The following NRXN3 variants were observed in gnomAD, a reference collection of about 807,000 sequenced individuals.
The protein encoded by NRXN3 is neurexin 3, also known as neurexin III.
In NRXN3, 32 loss-of-function variants were observed where a neutral mutation model predicts 137.6. The observed-to-expected ratio is 0.23, with a 90% confidence interval of 0.18 to 0.31. The LOEUF (loss-of-function observed/expected upper bound fraction) is 0.31, where lower values mean the gene tolerates loss of function less well. Ranked by LOEUF, NRXN3 falls within the 10% of genes least tolerant of loss-of-function variation. NRXN3 has a pLI of 1.00. For missense variants in NRXN3, 1,574 were observed against 2,062.5 expected (o/e 0.76, Z 4.59); for synonymous variants, 798 against 784.5 (o/e 1.02, Z -0.29).
chr14:78,887,691 G>A (rs1313064462), intron 10 of NRXN3, among the ~76,000 whole-genome samples: 1 of 152,026 alleles, frequency 6.6e-6, no homozygotes, highest in African/African-American at 2.4e-5. Context: ...TAAACCCAAG[G>A]TTTGCTGCCA....
chr14:79,651,274 G>A (rs1420681876), intron 16 of NRXN3, among the ~76,000 whole-genome samples: 1 of 152,158 alleles, frequency 6.6e-6, no homozygotes, highest in Non-Finnish European at 1.5e-5. Context: ...CAAGTGAACA[G>A]CTATGGTCAC....
intron 20 of NRXN3, among the ~76,000 whole-genome samples, chr14:79,855,791 T>C (rs1324239781): frequency 6.6e-6 from 1 of 152,176 alleles, no homozygotes. Context: ...GTGTTAACCA[T>C]CTAACATATA....
intron 15 of NRXN3, among the ~76,000 whole-genome samples, chr14:79,143,512 T>C (rs2059009766): frequency 6.6e-6 from 1 of 152,240 alleles, no homozygotes; most frequent in Non-Finnish European, 1.5e-5. Context: ...GGTTCTGACA[T>C]GGTACCTTCT....
chr14:79,633,288 C>T (rs562306788), intron 16 of NRXN3: 3 of 152,190 alleles, frequency 2.0e-5, no homozygotes, highest in South Asian at 2.1e-4. Flanking sequence ...AAAACCTTAC[C>T]CATTTATCTT....
At chr14:78,667,783 A>C (rs983906627) in intron 6 of NRXN3, among the ~76,000 whole-genome samples, 1 of 152,004 alleles carries the variant, frequency 6.6e-6, no homozygotes, top group African/African-American at 2.4e-5. Flanking sequence ...ATTGTGATAG[A>C]TTATCTTTTT....
intron 10 of NRXN3, among the ~76,000 whole-genome samples, chr14:78,825,068 C>A (rs906333806): frequency 2.6e-5 from 4 of 151,696 alleles, no homozygotes; most frequent in African/African-American, 4.8e-5. Flanking sequence ...TTGCACATAT[C>A]AAATTCTAGG....
At chr14:78,350,686 A>G (rs952165630) in intron 4 of NRXN3, among the ~76,000 whole-genome samples, 3 of 152,174 alleles carry the variant, frequency 2.0e-5, no homozygotes, top group Admixed American at 6.5e-5. Flanking sequence ...TCACCCTGGT[A>G]ACAATGTAGA....
chr14:79,244,470 T>C (rs549105440), intron 15 of NRXN3, among the ~76,000 whole-genome samples: 7 of 152,162 alleles, frequency 4.6e-5, no homozygotes, highest in Non-Finnish European at 1.0e-4. Flanking sequence ...ACGTTATTTA[T>C]CTTGAATGCT....
chr14:78,472,979 C>T (rs551342869), intron 4 of NRXN3, among the ~76,000 whole-genome samples: 2 of 148,256 alleles, frequency 1.3e-5, no homozygotes, highest in African/African-American at 5.0e-5. Context: ...GCTCAGTGCT[C>T]CTTTCATCCA....
At chr14:78,577,260 G>C (rs117198436) in intron 4 of NRXN3, among the ~76,000 whole-genome samples, 1 of 152,064 alleles carries the variant, frequency 6.6e-6, no homozygotes, top group Admixed American at 6.5e-5. Flanking sequence ...TGTAATTGTT[G>C]GTCCTCATTA....
At chr14:78,780,864 T>C (rs1375142280) in intron 8 of NRXN3, among the ~76,000 whole-genome samples, 1 of 152,190 alleles carries the variant, frequency 6.6e-6, no homozygotes, top group Non-Finnish European at 1.5e-5. Flanking sequence ...GGAATGTGAA[T>C]TGAGGCAGCC....
chr14:79,816,536 T>C (rs1245870062), intron 20 of NRXN3, among the ~76,000 whole-genome samples: 3 of 152,260 alleles, frequency 2.0e-5, no homozygotes, highest in African/African-American at 7.2e-5. Flanking sequence ...ACTAATTTTG[T>C]TTCCTCCAAA....
At chr14:78,520,049 C>T (rs1211048687) in intron 4 of NRXN3, among the ~76,000 whole-genome samples, 1 of 152,172 alleles carries the variant, frequency 6.6e-6, no homozygotes, top group African/African-American at 2.4e-5. Context: ...GTGGACCTCT[C>T]CATGGTGCTG....
chr14:79,046,503 G>A (rs1293938060), intron 15 of NRXN3, among the ~76,000 whole-genome samples: 1 of 152,186 alleles, frequency 6.6e-6, no homozygotes, highest in South Asian at 2.1e-4. Flanking sequence ...ACAGGCCTGA[G>A]TATACCTAAA....
At chr14:79,808,803 T>C (rs2099220822) in intron 20 of NRXN3, among the ~76,000 whole-genome samples, 1 of 152,208 alleles carries the variant, frequency 6.6e-6, no homozygotes, top group African/African-American at 2.4e-5. Flanking sequence ...AAATAATTTA[T>C]TTTTTCTTCA....
intron 20 of NRXN3, among the ~76,000 whole-genome samples, chr14:79,848,713 G>A (rs551231824): frequency 6.6e-6 from 1 of 152,166 alleles, no homozygotes; most frequent in African/African-American, 2.4e-5. Flanking sequence ...CTCCAGCCCT[G>A]GCCCCTCACC....
At chr14:78,988,912 C>T (rs758102011) in intron 15 of NRXN3, among the ~76,000 whole-genome samples, 5 of 152,044 alleles carry the variant, frequency 3.3e-5, no homozygotes, top group African/African-American at 9.7e-5. Context: ...GCTTCTGGCT[C>T]GTGGGTTTAG....
At chr14:79,497,933 C>G (rs925245972) in intron 16 of NRXN3, among the ~76,000 whole-genome samples, 16 of 152,038 alleles carry the variant, frequency 1.1e-4, no homozygotes, top group Admixed American at 5.9e-4. Context: ...ACTTGGAAGG[C>G]TGAGGCAAGA....
At chr14:79,205,994 A>G (rs556735412) in intron 15 of NRXN3, among the ~76,000 whole-genome samples, 1 of 152,306 alleles carries the variant, frequency 6.6e-6, no homozygotes, top group East Asian at 1.9e-4. Context: ...AGCATGCCAG[A>G]TGCTTCTAAT....
Sources: allele counts gnomAD v4.1 joint callset (sites outside exome capture counted in the v4.1 genomes callset), GRCh38; gene constraint gnomAD v4.1.1; transcripts MANE v1.5; gene names NCBI Gene and HGNC (gene_info 2026-07-23, HGNC 2026-07-21).